The following AK7 variants were observed in gnomAD, a reference collection of about 807,000 sequenced individuals.
The protein encoded by AK7 is adenylate kinase 7.
Under a neutral mutation model 96.6 loss-of-function variants are expected in AK7, and 78 were observed. That is an observed-to-expected ratio of 0.81 (90% confidence interval 0.67 to 0.97). The LOEUF is 0.97. Among genes scored for constraint, AK7 ranks in the 50% least tolerant of loss-of-function variants. The pLI is 0.00. For missense variants in AK7, 855 were observed against 887.9 expected (o/e 0.96, Z 0.47); for synonymous variants, 302 against 317.2 (o/e 0.95, Z 0.51).
chr14:96,439,701 GA>G (rs1468486085), intron 6 of AK7, among the ~76,000 whole-genome samples: 1 of 150,196 alleles, frequency 6.7e-6, no homozygotes, highest in Non-Finnish European at 1.5e-5. Flanking sequence ...AAGAAAGAAT[GA>G]CAAATTGTGT....
intron 11 of AK7, among the ~76,000 whole-genome samples, chr14:96,457,539 A>G (rs189650249): frequency 6.6e-6 from 1 of 152,160 alleles, no homozygotes; most frequent in African/African-American, 2.4e-5. Flanking sequence ...CTGTCCTCTG[A>G]GACGGAAGCA....
chr14:96,450,431 TAA>T (rs34353872), intron 9 of AK7, among the ~76,000 whole-genome samples: 22 of 138,324 alleles, frequency 1.6e-4, no homozygotes, highest in East Asian at 2.0e-4. Context: ...TAAAAAAAAT[TAA>T]AAAAAAAAAA....
At position 96,453,971 on chromosome 14, in the gene AK7, C is replaced by T. The variant is rs1395211645; in HGVS notation, c.1099-2376C>T. 3.9e-5 allele frequency among the ~76,000 whole-genome samples: 6 copies of T among 152,134 alleles called. No individual in the cohort carries two copies. The East Asian group carries it at 1.2e-3, about 29-fold the overall frequency. ...GAACTGCTTTCCTTCACACCTGCCT[C>T]CTTCCACTGCCTGCCATCATCCCTA... On this transcript the variant is annotated intron_variant, in intron 10 of 17. Transcript: ENST00000267584.
Position 96,472,533 on chromosome 14 carries a change from G to A in AK7, c.1487-154G>A, listed in dbSNP as rs558971882. ...TTTCTTTATCCATGCATCTATCAAT[G>A]TACATTTAGTTTGTGAGACTATTTC... On this transcript the variant is annotated intron_variant, in intron 13 of 17. Transcript: ENST00000267584. 1.4e-4 allele frequency among the ~76,000 whole-genome samples: 21 copies of A among 152,248 alleles called. No individual in the cohort carries two copies. The South Asian group carries it at 2.5e-3, about 18-fold the overall frequency.
chr14:96,445,666 T>C (rs1374225576), intron 7 of AK7, among the ~76,000 whole-genome samples: 1 of 151,310 alleles, frequency 6.6e-6, no homozygotes, highest in Non-Finnish European at 1.5e-5. Context: ...AATAAATAAA[T>C]AAATGAGTGA....
At chr14:96,456,205 A>G (rs1893888370) in intron 10 of AK7, 142 bp from the exon 11 acceptor site, 11 of 909,976 alleles carry the variant, frequency 1.2e-5, no homozygotes, top group Non-Finnish European at 1.6e-5. Flanking sequence ...CCACTGCACT[A>G]CAGCCCGAGC....
intron 3 of AK7, among the ~76,000 whole-genome samples, chr14:96,407,580 CTTTTTTTTTTT>C (rs11364736): frequency 3.3e-5 from 2 of 60,312 alleles, no homozygotes; most frequent in Non-Finnish European, 7.5e-5. Flanking sequence ...TCTTTCTTTT[CTTTTTTTTTTT>C]TTTTTTTTGA....
In AK7 at chr14:96,398,282, G is replaced by A. The variant is rs773169247; in HGVS notation, c.294+19G>A. The A allele has an allele frequency of 1.9e-6, 3 of 1,611,678 alleles. No homozygotes were observed. Among genetic ancestry groups the A allele is most frequent in the Non-Finnish European group, 2.5e-6 (3 of 1,179,572 alleles). ...GTACTCTGTAAGTCCCGGAGGCTCT[G>A]GCCAGGAGTAGACAGAGGGAAGAGT... On this transcript the variant is annotated intron_variant, in intron 2 of 17. Coordinates refer to ENST00000267584, the MANE Select transcript of AK7 (RefSeq NM_152327.5).
intron 1 of AK7, among the ~76,000 whole-genome samples, chr14:96,393,033 T>C (rs1400984240): frequency 6.6e-6 from 1 of 152,204 alleles, no homozygotes; most frequent in Non-Finnish European, 1.5e-5. Flanking sequence ...ATATATGGTT[T>C]TTGAGCATCT....
chr14:96,463,162 A>T (rs1487594290), intron 12 of AK7, among the ~76,000 whole-genome samples: 2 of 151,402 alleles, frequency 1.3e-5, no homozygotes, highest in Non-Finnish European at 3.0e-5. Flanking sequence ...AAACAAACAA[A>T]CAAACAAAAA....
chr14:96,478,525 C>T lies in AK7; in HGVS notation c.1616C>T (p.Pro539Leu). Residue 539 changes from proline to leucine, a missense_variant, in exon 15 of 18, where the codon CCT becomes CTT. Physicochemically the swap from Pro to Leu is moderately conservative, Grantham distance 98 (BLOSUM62 -3). Coordinates refer to ENST00000267584, the MANE Select transcript of AK7 (RefSeq NM_152327.5). ...EFLKERVINL[P>L]ESIVAGTHYS... ...CTGAAGGAGCGTGTGATAAACCTTCCTGAGAGCATCGTGGCGGGGACCCAC... is the reference window on the plus strand; with the variant it reads ...CTGAAGGAGCGTGTGATAAACCTTCTTGAGAGCATCGTGGCGGGGACCCAC... The T allele has an allele frequency of 2.5e-6, 4 of 1,614,184 alleles. No individual in the cohort carries two copies. The highest frequency in any genetic ancestry group is 3.4e-6 in the Non-Finnish European group (4 of 1,180,042).
chr14:96,483,279 C>T, intron 16 of AK7, 60 bp downstream of exon 16: 1 of 1,520,550 alleles, frequency 6.6e-7, no homozygotes, highest in Non-Finnish European at 8.9e-7. Flanking sequence ...CGGTGCCTGG[C>T]AAAGCCATTT....
intron 16 of AK7, among the ~76,000 whole-genome samples, chr14:96,485,894 CA>C (rs1895741670): frequency 1.3e-5 from 2 of 150,696 alleles, no homozygotes; most frequent in Admixed American, 1.3e-4. Context: ...CTCCCCGGTT[CA>C]CGCCATTCTC....
At chr14:96,480,256 A>G (rs1176279982) in intron 15 of AK7, among the ~76,000 whole-genome samples, 1 of 152,082 alleles carries the variant, frequency 6.6e-6, no homozygotes, top group African/African-American at 2.4e-5. Flanking sequence ...ACATGGTGAA[A>G]CCCCATCTCT....
At chr14:96,424,501 C>G (rs1181047077) in intron 5 of AK7, among the ~76,000 whole-genome samples, 2 of 152,138 alleles carry the variant, frequency 1.3e-5, no homozygotes, top group African/African-American at 4.8e-5. Context: ...TTGGAGAAAA[C>G]CCCAAACCCT....
chr14:96,398,338 T>TG (rs544713251), intron 2 of AK7, 75 bp downstream of exon 2: 2 of 1,510,906 alleles, frequency 1.3e-6, no homozygotes, highest in Non-Finnish European at 1.8e-6. Flanking sequence ...TGACAACTTG[T>TG]TTTACTGTTT....
chr14:96,444,795 G>A (rs1893140694), intron 7 of AK7, among the ~76,000 whole-genome samples: 1 of 151,398 alleles, frequency 6.6e-6, no homozygotes, highest in Admixed American at 6.6e-5. Context: ...TTGGCTCACT[G>A]CAACCTCCGC....
At chr14:96,483,295 A>G in intron 16 of AK7, 76 bp downstream of exon 16, 1 of 1,422,936 alleles carries the variant, frequency 7.0e-7, no homozygotes, top group South Asian at 1.3e-5. Flanking sequence ...CATTTAGGCC[A>G]GTTCCACTTC....
At chr14:96,400,364 G>A (rs1401051847) in intron 2 of AK7, among the ~76,000 whole-genome samples, 1 of 152,072 alleles carries the variant, frequency 6.6e-6, no homozygotes, top group Non-Finnish European at 1.5e-5. Context: ...GTATGACTTT[G>A]TACTACTGAT....
Sources: gnomAD v4.1 joint callset for allele counts (sites outside exome capture counted in the v4.1 genomes callset) on GRCh38, gnomAD v4.1.1 for gene constraint, MANE v1.5 for transcripts, NCBI Gene and HGNC (gene_info 2026-07-23, HGNC 2026-07-21) for gene names.